The following OOSP1 variants were observed in gnomAD, a reference collection of about 807,000 sequenced individuals.
The protein encoded by OOSP1 is oocyte secreted protein 1.
Under a neutral mutation model 5.7 loss-of-function variants are expected in OOSP1, and 11 were observed. That is an observed-to-expected ratio of 1.94 (90% confidence interval 1.22 to 3.20). The LOEUF (loss-of-function observed/expected upper bound fraction) is 3.20, where lower values mean the gene tolerates loss of function less well. Among genes scored for constraint, OOSP1 ranks in the 30% most tolerant of loss-of-function variants. The pLI, the probability that OOSP1 is intolerant of heterozygous loss-of-function variation, is 0.00. For synonymous variants in OOSP1, 44 were observed against 20.0 expected (o/e 2.20, Z -3.20); for missense variants, 83 against 54.1 (o/e 1.53, Z -1.67).
At chr11:59,950,530 G>A (rs1018251295) in intron 4 of OOSP1, among the ~76,000 whole-genome samples, 1 of 152,204 alleles carries the variant, frequency 6.6e-6, no homozygotes, top group Admixed American at 6.5e-5. Context: ...AAGACAGTAA[G>A]GTCAATTGGA....
intron 1 of OOSP1, among the ~76,000 whole-genome samples, chr11:59,940,166 C>T (rs563660190): frequency 6.6e-6 from 1 of 152,338 alleles, no homozygotes; most frequent in South Asian, 2.1e-4. Flanking sequence ...TTAGTGTATT[C>T]ATTATGCTTT....
chr11:59,953,705 T>A (rs1182664619), intron 4 of OOSP1, among the ~76,000 whole-genome samples: 1 of 152,220 alleles, frequency 6.6e-6, no homozygotes, highest in African/African-American at 2.4e-5. Flanking sequence ...AGAAATCAGC[T>A]GCCTCAGAGA....
At chr11:59,946,386 G>A (rs1853883814) in intron 3 of OOSP1, among the ~76,000 whole-genome samples, 1 of 152,274 alleles carries the variant, frequency 6.6e-6, no homozygotes, top group East Asian at 1.9e-4. Context: ...AACCATTCGT[G>A]AAGGGTCCAC....
At chr11:59,951,707 T>C (rs560170314) in intron 4 of OOSP1, among the ~76,000 whole-genome samples, 57 of 148,166 alleles carry the variant, frequency 3.8e-4, no homozygotes, top group African/African-American at 1.3e-3. Flanking sequence ...AGAAATGAAC[T>C]GCATTTTTTT....
At chr11:59,950,603 C>T (rs941748079) in intron 4 of OOSP1, among the ~76,000 whole-genome samples, 2 of 152,126 alleles carry the variant, frequency 1.3e-5, no homozygotes, top group Non-Finnish European at 2.9e-5. Context: ...GCTGTATCTT[C>T]TGTTGCTGAA....
At chr11:59,943,679 C>A (rs1057196900) in intron 2 of OOSP1, among the ~76,000 whole-genome samples, 1 of 152,090 alleles carries the variant, frequency 6.6e-6, no homozygotes, top group African/African-American at 2.4e-5. Flanking sequence ...TCAATTGCGA[C>A]CAGAATGAGG....
At chr11:59,948,553 T>G (rs1853910104) in intron 4 of OOSP1, among the ~76,000 whole-genome samples, 2 of 152,236 alleles carry the variant, frequency 1.3e-5, no homozygotes, top group Admixed American at 1.3e-4. Context: ...ACATATACTT[T>G]CTTTCTTCTC....
At chr11:59,939,603 T>G (rs1853804063) in intron 1 of OOSP1, among the ~76,000 whole-genome samples, 2 of 145,194 alleles carry the variant, frequency 1.4e-5, no homozygotes, top group South Asian at 4.5e-4. Context: ...CTTTTTTTTC[T>G]TCCCTTTCTC....
At chr11:59,956,506 G>A (rs990330407) in intron 4 of OOSP1, among the ~76,000 whole-genome samples, 3 of 152,068 alleles carry the variant, frequency 2.0e-5, no homozygotes, top group Non-Finnish European at 4.4e-5. Flanking sequence ...TTTTCTGTAA[G>A]TAGATTCATT....
chr11:59,947,689 A>G (rs541816043), intron 3 of OOSP1, 44 bp from the exon 4 acceptor site: 6 of 397,870 alleles, frequency 1.5e-5, no homozygotes, highest in Admixed American at 4.4e-5. Context: ...ATCTGAGTAG[A>G]TCTTAACCAC....
intron 4 of OOSP1, 28 bp downstream of exon 4, chr11:59,947,890 A>G (rs1853902262): frequency 2.5e-6 from 1 of 398,480 alleles, no homozygotes; most frequent in Non-Finnish European, 4.4e-6. Flanking sequence ...CTGGCATCTT[A>G]TGATTTTTGT....
At chr11:59,946,633 C>T (rs1158376758) in intron 3 of OOSP1, among the ~76,000 whole-genome samples, 3 of 152,150 alleles carry the variant, frequency 2.0e-5, no homozygotes, top group Non-Finnish European at 4.4e-5. Flanking sequence ...TAGGTTTTCA[C>T]CAACCAAATC....
intron 4 of OOSP1, among the ~76,000 whole-genome samples, chr11:59,955,765 T>C (rs1853989047): frequency 6.6e-6 from 1 of 152,074 alleles, no homozygotes; most frequent in Non-Finnish European, 1.5e-5. Context: ...TCTGAGTAGC[T>C]GGGACTACAT....
intron 1 of OOSP1, among the ~76,000 whole-genome samples, chr11:59,941,419 G>A (rs891587774): frequency 4.6e-5 from 7 of 150,848 alleles, no homozygotes; most frequent in Non-Finnish European, 7.4e-5. Context: ...TAGCTTTGTC[G>A]CCCAGGCTGG....
intron 4 of OOSP1, among the ~76,000 whole-genome samples, chr11:59,951,423 G>A (rs1194713933): frequency 6.6e-6 from 1 of 152,122 alleles, no homozygotes; most frequent in Admixed American, 6.6e-5. Flanking sequence ...TGAGTACATG[G>A]TAAAGCATTA....
chr11:59,946,383 C>A (rs554456370), intron 3 of OOSP1, among the ~76,000 whole-genome samples: 1 of 152,184 alleles, frequency 6.6e-6, no homozygotes, highest in Non-Finnish European at 1.5e-5. Flanking sequence ...CTAAACCATT[C>A]GTGAAGGGTC....
chr11:59,940,707 T>A (rs191574716), intron 1 of OOSP1, among the ~76,000 whole-genome samples: 1 of 152,350 alleles, frequency 6.6e-6, no homozygotes, highest in Admixed American at 6.5e-5. Flanking sequence ...GGAATGGGAC[T>A]GTGAGGCCAC....
chr11:59,947,167 T>C (rs2134569358), intron 3 of OOSP1, among the ~76,000 whole-genome samples: 1 of 152,286 alleles, frequency 6.6e-6, no homozygotes, highest in Admixed American at 6.5e-5. Flanking sequence ...TACATAGAGC[T>C]CTTCCCACAG....
Position 59,955,621 on chromosome 11 carries a change from AT to A in OOSP1, c.487-1562del, listed in dbSNP as rs111996738. Reference sequence around the variant, plus strand: ...GTGTGCCAAGTTTAATAGATCATCTATTTTTTTTTTTTCTTTGAGACAGGTC... The same window carrying A: ...GTGTGCCAAGTTTAATAGATCATCTATTTTTTTTTTTCTTTGAGACAGGTC... On this transcript the variant is annotated intron_variant, in intron 4 of 4. Transcript: ENST00000646685. Among the ~76,000 whole-genome samples, 1,349 of 146,098 alleles carry A rather than the reference AT, an allele frequency of 9.2e-3. 26 individuals carry two copies. The highest frequency in any genetic ancestry group is 0.029 in the African/African-American group (1,163 of 40,182).
Sources: allele counts gnomAD v4.1 joint callset (sites outside exome capture counted in the v4.1 genomes callset), GRCh38; gene constraint gnomAD v4.1.1; transcripts MANE v1.5; gene names NCBI Gene and HGNC (gene_info 2026-07-23, HGNC 2026-07-21).